The following ZNF567 variants were observed in gnomAD, a reference collection of about 807,000 sequenced individuals.
ZNF567 encodes the protein zinc finger protein 567.
A neutral mutation model predicts 53.9 loss-of-function variants in ZNF567; 36 were observed. That is an observed-to-expected ratio of 0.67 (90% confidence interval 0.51 to 0.88). ZNF567 has a LOEUF of 0.88. Among genes scored for constraint, ZNF567 ranks in the 40% least tolerant of loss-of-function variants. The pLI, the probability that ZNF567 is intolerant of heterozygous loss-of-function variation, is 0.00. For missense variants in ZNF567, 619 were observed against 764.7 expected, an observed-to-expected ratio of 0.81 and a Z score of 2.25; for synonymous variants, 224 against 260.4, an observed-to-expected ratio of 0.86 and a Z score of 1.35.
chr19:36,693,205 T>C (rs2038712887), intron 2 of ZNF567, among the ~76,000 whole-genome samples: 3 of 152,126 alleles, frequency 2.0e-5, no homozygotes, highest in Non-Finnish European at 4.4e-5. Flanking sequence ...GGAGGATCAC[T>C]TGAGCCCAGT....
upstream of ZNF567, among the ~76,000 whole-genome samples, chr19:36,686,989 G>A (rs2038289278): frequency 6.6e-6 from 1 of 152,172 alleles, no homozygotes; most frequent in African/African-American, 2.4e-5. Flanking sequence ...ATTGCAAGAT[G>A]ACTCTGCTTA....
downstream of ZNF567, among the ~76,000 whole-genome samples, chr19:36,725,995 C>G (rs1432683362): frequency 6.6e-6 from 1 of 152,086 alleles, no homozygotes; most frequent in African/African-American, 2.4e-5. Flanking sequence ...TACTATCTCT[C>G]TCTTGTTCAG....
chr19:36,721,807 C>T (rs977450409), downstream of ZNF567, among the ~76,000 whole-genome samples: 5 of 133,262 alleles, frequency 3.8e-5, no homozygotes, highest in Admixed American at 8.8e-5. Flanking sequence ...TGCAGTGGAG[C>T]GATCTCGGCT....
At position 36,719,611 on chromosome 19, in the gene ZNF567, T is replaced by G; in HGVS notation, c.887T>G (p.Leu296Arg). ...AATGCATTTAGAAGGAAATCATATC[T>G]CATTGATCATCAGAGAACTCACACA... is the stretch of plus-strand genomic sequence containing the variant. The part of the protein sequence containing the change: ...CGNAFRRKSY[L>R]IDHQRTHTGE... The change falls in exon 6 of 6, where the codon CTC becomes CGC. Residue 296 changes from leucine to arginine, a missense_variant. Physicochemically the swap from Leu to Arg is moderately radical, Grantham distance 102. Transcript: ENST00000682579. The G allele has an allele frequency of 6.2e-7, 1 of 1,614,156 alleles. No individual in the cohort carries two copies. Among genetic ancestry groups the G allele is most frequent in the Non-Finnish European group, 8.5e-7 (1 of 1,180,010 alleles).
chr19:36,720,656 T>G lies in ZNF567; in HGVS notation c.1932T>G (p.Ile644Met), dbSNP rs1277289149. 1.3e-6 allele frequency: 2 copies of G among 1,532,558 alleles called. No individual in the cohort carries two copies. Among genetic ancestry groups the G allele is most frequent in the Non-Finnish European group, 1.8e-6 (2 of 1,142,852 alleles). The allele number at this position is 1,532,558 out of a possible 1,614,324, so 94.9% of individuals were successfully genotyped here. A position where few individuals can be genotyped will look rare whatever the true frequency, so the allele number is the denominator to read the frequency against. The change falls in exon 6 of 6, where the codon ATT (isoleucine) becomes ATG (methionine). Residue 644 changes from isoleucine to methionine, a missense_variant. Ile to Met is a conservative substitution (Grantham distance 10). Coordinates refer to ENST00000682579, the MANE Select transcript of ZNF567 (RefSeq NM_001322917.1). ...VHQRTHKGEN[I>M]EMQ ...AAAGAACTCACAAGGGAGAAAACAT[T>G]GAAATGCAATAAATGATGTGGTTTC...
At chr19:36,723,445 T>C (rs1469706016), downstream of ZNF567, 3 of 552,214 alleles carry the variant, frequency 5.4e-6, no homozygotes, top group Non-Finnish European at 9.7e-6. Flanking sequence ...CACTTTATTT[T>C]CAAACATACT....
intron 5 of ZNF567, among the ~76,000 whole-genome samples, chr19:36,713,133 C>A (rs1402856431): frequency 1.3e-5 from 2 of 151,836 alleles, no homozygotes; most frequent in African/African-American, 4.8e-5. Flanking sequence ...CATAGCAAGA[C>A]CCCATCACTA....
intron 3 of ZNF567, among the ~76,000 whole-genome samples, chr19:36,700,359 A>G (rs1462687434): frequency 1.3e-4 from 19 of 150,016 alleles, no homozygotes; most frequent in Middle Eastern, 3.4e-3. Context: ...ATCAATGTTC[A>G]TCAAGGATAT....
intron 2 of ZNF567, among the ~76,000 whole-genome samples, chr19:36,692,932 C>T (rs2038694916): frequency 6.6e-6 from 1 of 152,116 alleles, no homozygotes. Context: ...CAAAGCCATG[C>T]AGAATATCTT....
chr19:36,696,437 G>C (rs1341200837), intron 3 of ZNF567, among the ~76,000 whole-genome samples: 2 of 152,038 alleles, frequency 1.3e-5, no homozygotes, highest in Non-Finnish European at 2.9e-5. Flanking sequence ...GCTAGATATC[G>C]CCACCTACAT....
At chr19:36,668,429 G>C in the ZNF567 span, 1 of 152,370 alleles carries the variant, frequency 6.6e-6, no homozygotes, top group Non-Finnish European at 1.5e-5. Context: ...CGTGCACAGG[G>C]ATCTTGTGAC....
At chr19:36,689,331 G>C (rs1235432539) in intron 1 of ZNF567, 66 bp from the exon 2 acceptor site, 1 of 150,380 alleles carries the variant, frequency 6.6e-6, no homozygotes, top group Non-Finnish European at 1.5e-5. Flanking sequence ...AAATGTGAAA[G>C]GATACATGAT....
rs187851499 is a variant in ZNF567 at position 36,691,711 on chromosome 19, A to T, written c.-67+2214A>T. 1.5e-3 allele frequency among the ~76,000 whole-genome samples: 223 copies of T among 152,348 alleles called. 1 individual carries two copies. Among genetic ancestry groups the T allele is most frequent in the Admixed American group, 0.013 (206 of 15,302 alleles). ...AATTTCATCTCATATAAAAGGAGTCATGCAGAATGTAGCCTTTTGAGTCTG... is the reference window on the plus strand; with the variant it reads ...AATTTCATCTCATATAAAAGGAGTCTTGCAGAATGTAGCCTTTTGAGTCTG... On this transcript the variant is annotated intron_variant, in intron 2 of 5. Transcript: ENST00000682579.
intron 4 of ZNF567, 55 bp downstream of exon 4, chr19:36,712,567 T>A: frequency 6.2e-7 from 1 of 1,601,594 alleles, no homozygotes; most frequent in South Asian, 1.1e-5. Flanking sequence ...TCAAAGTGCC[T>A]AATTGTGTAT....
chr19:36,700,765 G>C (rs1002275647), intron 3 of ZNF567, among the ~76,000 whole-genome samples: 1 of 152,090 alleles, frequency 6.6e-6, no homozygotes, highest in African/African-American at 2.4e-5. Flanking sequence ...GATCGGTGGT[G>C]ATATCCCATT....
downstream of ZNF567, among the ~76,000 whole-genome samples, chr19:36,721,732 C>CTTTTTTTTTTTTTTTTT (rs756276834): frequency 1.4e-4 from 17 of 121,658 alleles, no homozygotes; most frequent in Admixed American, 1.4e-3. Flanking sequence ...GTACCAGAGT[C>CTTTTTTTTTTTTTTTTT]TTTTTTTTTT....
downstream of ZNF567, chr19:36,723,122 T>C: frequency 1.4e-6 from 1 of 702,492 alleles, no homozygotes; most frequent in Non-Finnish European, 2.6e-6. Flanking sequence ...TAGTATATGC[T>C]AACAGTGGTG....
chr19:36,709,172 T>G (rs1396838345), intron 3 of ZNF567, among the ~76,000 whole-genome samples: 1 of 152,216 alleles, frequency 6.6e-6, no homozygotes, highest in African/African-American at 2.4e-5. Context: ...GTCTTTGCAT[T>G]TGAAACGTTT....
At chr19:36,675,513 A>C in the ZNF567 span, among the ~76,000 whole-genome samples, 3 of 152,058 alleles carry the variant, frequency 2.0e-5, no homozygotes, top group Non-Finnish European at 4.4e-5. Flanking sequence ...TCTCTACTAA[A>C]AATACAAAAA....
Sources: gnomAD v4.1 joint callset for allele counts (sites outside exome capture counted in the v4.1 genomes callset) on GRCh38, gnomAD v4.1.1 for gene constraint, MANE v1.5 for transcripts, NCBI Gene and HGNC (gene_info 2026-07-23, HGNC 2026-07-21) for gene names.